The following TENM4 variants were observed in gnomAD, a reference collection of about 807,000 sequenced individuals.
TENM4 encodes the protein teneurin transmembrane protein 4, also known as teneurin-4.
A neutral mutation model predicts 243.3 loss-of-function variants in TENM4; 82 were observed. That is an observed-to-expected ratio of 0.34 (90% CI 0.28 to 0.40). The LOEUF (loss-of-function observed/expected upper bound fraction) is 0.40, where lower values mean the gene tolerates loss of function less well. Ranked by LOEUF, TENM4 falls within the 10% of genes least tolerant of loss-of-function variation. The pLI is 1.00. For missense variants in TENM4, 3,138 were observed against 3,673.3 expected (o/e 0.85, Z 3.77); for synonymous variants, 1,412 against 1,456.3 (o/e 0.97, Z 0.69).
chr11:79,012,952 G>A (rs899663574), intron 6 of TENM4, among the ~76,000 whole-genome samples: 18 of 152,184 alleles, frequency 1.2e-4, no homozygotes, highest in African/African-American at 3.9e-4. Context: ...CCAGGGGATG[G>A]AAGACCAAAG....
chr11:79,025,674 G>A (rs1311030547), intron 6 of TENM4, among the ~76,000 whole-genome samples: 2 of 152,176 alleles, frequency 1.3e-5, no homozygotes, highest in African/African-American at 4.8e-5. Context: ...AAAGCCAAAA[G>A]GATCTGGCTC....
At chr11:79,034,616 G>C (rs1025094785) in intron 6 of TENM4, among the ~76,000 whole-genome samples, 1 of 151,898 alleles carries the variant, frequency 6.6e-6, no homozygotes, top group Non-Finnish European at 1.5e-5. Flanking sequence ...GTATCTATGG[G>C]GCCTAAAAAG....
rs533265267 is a variant in TENM4 at position 78,945,402 on chromosome 11, A to C, written c.494-41879T>G. Among the ~76,000 whole-genome samples, 5 of 152,304 alleles carry C rather than the reference A, an allele frequency of 3.3e-5. No homozygotes were observed. The East Asian group carries it at 9.6e-4, about 29-fold the overall frequency. On this transcript the variant is annotated intron_variant, in intron 6 of 33. Transcript: ENST00000278550. ...AAACTGTGTCTGGTGTAAGATGGCA[A>C]ACCTAGTGATAAAGGTTTGTGTTCT...
intron 8 of TENM4, 103 bp downstream of exon 8, chr11:78,891,135 C>T: frequency 1.9e-6 from 2 of 1,050,046 alleles, no homozygotes; most frequent in South Asian, 1.5e-5. Context: ...CCACATGGAT[C>T]ACCTCCCCCA....
intron 2 of TENM4, among the ~76,000 whole-genome samples, chr11:79,283,213 A>AACACACAC (rs33993080): frequency 4.1e-4 from 56 of 136,038 alleles, no homozygotes; most frequent in South Asian, 1.0e-3. Flanking sequence ...CACACACACA[A>AACACACAC]ACACACACAC....
chr11:79,059,370 A>T lies in TENM4; in HGVS notation c.493+5368T>A, dbSNP rs998174128. On this transcript the variant is annotated intron_variant, in intron 6 of 33. Transcript: ENST00000278550. Reference sequence around the variant, plus strand: ...AAATCCTACTAGGCTTTCAAGCCCCATGCATAACATGAGTGGAATGAAGGA... The same window carrying T: ...AAATCCTACTAGGCTTTCAAGCCCCTTGCATAACATGAGTGGAATGAAGGA... 5.3e-5 allele frequency among the ~76,000 whole-genome samples: 8 copies of T among 152,318 alleles called. No homozygotes were observed. In the East Asian group the frequency reaches 1.5e-3, roughly 29 times the overall value.
chr11:79,415,319 A>G (rs1182820999), intron 1 of TENM4, among the ~76,000 whole-genome samples: 1 of 152,182 alleles, frequency 6.6e-6, no homozygotes, highest in African/African-American at 2.4e-5. Context: ...AGTAAAGTGC[A>G]TTTTGGTTTT....
At position 78,667,618 on chromosome 11, in the gene TENM4, T is replaced by A. The variant is rs1408653480; in HGVS notation, c.7408+1319A>T. Among the ~76,000 whole-genome samples the A allele has an allele frequency of 2.6e-5, 4 of 152,152 alleles. No homozygotes were observed. The East Asian group carries it at 7.7e-4, about 29-fold the overall frequency. ...TTCAATGGGCATCTGTGCAAACCTT[T>A]GTCATGGTCCTCCCCTCTTGACAGC... On this transcript the variant is annotated intron_variant, in intron 32 of 33. Coordinates refer to ENST00000278550, the MANE Select transcript of TENM4 (RefSeq NM_001098816.3).
intron 6 of TENM4, among the ~76,000 whole-genome samples, chr11:78,957,975 C>T (rs1216168636): frequency 6.6e-6 from 1 of 151,950 alleles, no homozygotes; most frequent in Admixed American, 6.6e-5. Flanking sequence ...ACAAAAAAAA[C>T]AACAGAAGGA....
intron 1 of TENM4, among the ~76,000 whole-genome samples, chr11:79,318,762 T>G (rs963129093): frequency 1.3e-5 from 2 of 152,234 alleles, no homozygotes; most frequent in Non-Finnish European, 2.9e-5. Flanking sequence ...TTATGCAACT[T>G]AATTTTTAAT....
chr11:78,769,083 G>C (rs1856598114), intron 18 of TENM4, among the ~76,000 whole-genome samples: 1 of 152,162 alleles, frequency 6.6e-6, no homozygotes. Flanking sequence ...AAAGGCTTTG[G>C]CCAAGACTTT....
chr11:79,249,526 C>T (rs1938826), intron 2 of TENM4, among the ~76,000 whole-genome samples: 47,658 of 152,088 alleles, frequency 0.31, 8,387 homozygotes, highest in East Asian at 0.55. Context: ...AATTCATTTA[C>T]CCACCAAACT....
intron 4 of TENM4, among the ~76,000 whole-genome samples, chr11:79,141,350 C>A (rs910141335): frequency 6.6e-6 from 1 of 152,044 alleles, no homozygotes; most frequent in Non-Finnish European, 1.5e-5. Flanking sequence ...ACATTAGAGA[C>A]TACTATGAGC....
At chr11:78,776,913 T>G (rs1049549916) in intron 17 of TENM4, among the ~76,000 whole-genome samples, 3 of 152,120 alleles carry the variant, frequency 2.0e-5, no homozygotes, top group African/African-American at 7.2e-5. Flanking sequence ...GATAGAATGC[T>G]GAAACATGGA....
chr11:79,046,557 C>A (rs996478483), intron 6 of TENM4, among the ~76,000 whole-genome samples: 3 of 152,044 alleles, frequency 2.0e-5, no homozygotes, highest in Admixed American at 1.3e-4. Flanking sequence ...AGGTCATAGC[C>A]GAGTAGGGTG....
intron 11 of TENM4, 106 bp downstream of exon 11, chr11:78,855,858 A>G (rs1367067567): frequency 1.5e-5 from 16 of 1,074,826 alleles, no homozygotes; most frequent in Admixed American, 7.5e-5. Flanking sequence ...TAAAATATAT[A>G]AATGTCCCTT....
At chr11:78,895,353 A>G (rs1855768212) in intron 7 of TENM4, among the ~76,000 whole-genome samples, 1 of 151,638 alleles carries the variant, frequency 6.6e-6, no homozygotes, top group African/African-American at 2.4e-5. Context: ...AAAAAAAAAG[A>G]AAAAACGAAA....
intron 1 of TENM4, among the ~76,000 whole-genome samples, chr11:79,321,547 G>T (rs1856888609): frequency 6.8e-6 from 1 of 148,080 alleles, no homozygotes; most frequent in South Asian, 2.1e-4. Context: ...GGGAAGGAAA[G>T]AGGCAGACAT....
At chr11:78,778,296 T>G (rs958372311) in intron 17 of TENM4, among the ~76,000 whole-genome samples, 6 of 99,300 alleles carry the variant, frequency 6.0e-5, no homozygotes, top group South Asian at 3.7e-4. Context: ...TGAGATGGGG[T>G]GGAAAGAGTG....
Sources: gnomAD v4.1 joint callset for allele counts (sites outside exome capture counted in the v4.1 genomes callset) on GRCh38, gnomAD v4.1.1 for gene constraint, MANE v1.5 for transcripts, NCBI Gene and HGNC (gene_info 2026-07-23, HGNC 2026-07-21) for gene names.